TECPR2: variants seen among roughly 807,000 people sequenced by gnomAD.
TECPR2 encodes the protein tectonin beta-propeller repeat-containing protein 2.
Under a neutral mutation model 138.1 loss-of-function variants are expected in TECPR2, and 65 were observed. The ratio of observed to expected loss-of-function variants is 0.47; its 90% CI spans 0.39 to 0.58. The LOEUF is 0.58. TECPR2 is among the 20% of genes least tolerant of loss of function. The pLI, the probability that TECPR2 is intolerant of heterozygous loss-of-function variation, is 0.00. For missense variants in TECPR2, 1,553 were observed against 1,824.5 expected (o/e 0.85, Z 2.71); for synonymous variants, 746 against 749.8 (o/e 0.99, Z 0.08).
rs1889589963 is a variant in TECPR2, at chr14:102,434,182, T to C, written c.1418-53T>C. On this transcript the variant is annotated intron_variant, in intron 8 of 19. Coordinates refer to ENST00000359520, the MANE Select transcript of TECPR2 (RefSeq NM_014844.5). ...AAAAATATGTGTGCAAGTTAGTCTC[T>C]TACTAATCATATAGAACCGTGCCTT... 4.5e-6 allele frequency: 6 copies of C among 1,327,582 alleles called. No homozygotes were observed. In the South Asian group the frequency reaches 1.5e-4, roughly 33 times the overall value. 82.2% of individuals were successfully genotyped at this position (1,327,582 alleles called of 1,614,324 possible). A position where few individuals can be genotyped will look rare whatever the true frequency, so the allele number is the denominator to read the frequency against.
At chr14:102,370,637 C>G (rs1205532538) in intron 1 of TECPR2, among the ~76,000 whole-genome samples, 3 of 152,196 alleles carry the variant, frequency 2.0e-5, no homozygotes, top group Non-Finnish European at 4.4e-5. Context: ...GCCAGCAACA[C>G]TTGGGCTTTA....
At chr14:102,401,804 CAAAAA>C (rs34413626) in intron 2 of TECPR2, among the ~76,000 whole-genome samples, 2 of 68,952 alleles carry the variant, frequency 2.9e-5, no homozygotes, top group Admixed American at 4.1e-4. Context: ...GACTCCGTCT[CAAAAA>C]AAAAAAAAAA....
chr14:102,363,626 G>A (rs1236658259), intron 1 of TECPR2, among the ~76,000 whole-genome samples: 1 of 152,264 alleles, frequency 6.6e-6, no homozygotes, highest in Non-Finnish European at 1.5e-5. Context: ...CCTATTTGAA[G>A]GCATGGGAGG....
intron 7 of TECPR2, among the ~76,000 whole-genome samples, chr14:102,431,558 G>A (rs986114067): frequency 1.3e-5 from 2 of 152,028 alleles, no homozygotes; most frequent in Non-Finnish European, 2.9e-5. Context: ...TAGCCAGGAT[G>A]GTCTTGATCT....
chr14:102,470,508 A>G (rs1422619229), intron 17 of TECPR2, among the ~76,000 whole-genome samples: 2 of 151,676 alleles, frequency 1.3e-5, no homozygotes, highest in African/African-American at 2.4e-5. Flanking sequence ...AGGTTTCACC[A>G]TGTTGGCCAG....
chr14:102,372,356 T>C (rs2139651576), intron 1 of TECPR2, among the ~76,000 whole-genome samples: 1 of 152,188 alleles, frequency 6.6e-6, no homozygotes, highest in Non-Finnish European at 1.5e-5. Flanking sequence ...ACCTCTGCCT[T>C]CTGGGTTCAA....
chr14:102,484,420 G>T (rs1445440149), intron 17 of TECPR2, among the ~76,000 whole-genome samples: 3 of 152,166 alleles, frequency 2.0e-5, no homozygotes, highest in Admixed American at 2.0e-4. Flanking sequence ...TTCTTCAGAT[G>T]TTGGCAGTCC....
At chr14:102,454,090 T>C (rs1204618673) in intron 16 of TECPR2, among the ~76,000 whole-genome samples, 2 of 151,620 alleles carry the variant, frequency 1.3e-5, no homozygotes, top group African/African-American at 4.8e-5. Context: ...TAGGCAGAGG[T>C]TGCAGTGAGC....
At chr14:102,406,490 G>C (rs1409480543) in intron 2 of TECPR2, among the ~76,000 whole-genome samples, 1 of 151,842 alleles carries the variant, frequency 6.6e-6, no homozygotes. Context: ...AGGTTGCAGT[G>C]AGCCAAGGTG....
chr14:102,410,375 G>A (rs1400855851), intron 4 of TECPR2, among the ~76,000 whole-genome samples: 1 of 151,076 alleles, frequency 6.6e-6, no homozygotes, highest in Non-Finnish European at 1.5e-5. Context: ...TTGTTCACTT[G>A]TTTATCTGCT....
At chr14:102,460,719 G>A (rs1890388108) in intron 16 of TECPR2, among the ~76,000 whole-genome samples, 1 of 149,024 alleles carries the variant, frequency 6.7e-6, no homozygotes, top group African/African-American at 2.5e-5. Context: ...TTTTGAGACG[G>A]AGTCTCGCTC....
chr14:102,433,224 T>C (rs1889560781), intron 8 of TECPR2, among the ~76,000 whole-genome samples: 3 of 151,734 alleles, frequency 2.0e-5, no homozygotes, highest in Admixed American at 6.6e-5. Flanking sequence ...AGGGGGTCCA[T>C]GCGCAGGTTT....
At position 102,499,072 on chromosome 14, in the gene TECPR2, C is replaced by A; in HGVS notation, c.*815C>A. ...ACCACACCTCACTGCCCACACACGG[C>A]GCAGGCTGCCCGCCTCCTGGAGAGC... On this transcript the variant is annotated 3_prime_UTR_variant, in exon 20 of 20. Transcript: ENST00000359520. The A allele has an allele frequency of 1.4e-6, 1 of 702,744 alleles. No homozygotes were observed. The allele number at this position is 702,744 out of a possible 1,614,324, so 43.5% of individuals were successfully genotyped here. A position where few individuals can be genotyped will look rare whatever the true frequency, so the allele number is the denominator to read the frequency against.
At position 102,494,170 on chromosome 14, in the gene TECPR2, C is replaced by T. The variant is rs75569707; in HGVS notation, c.3790-2809C>T. ...AACTTGGGCAAATGTGTGGAGTGAGCGACCAAAGGGCTGAGGGAGCAGCGA... is the reference window on the plus strand; with the variant it reads ...AACTTGGGCAAATGTGTGGAGTGAGTGACCAAAGGGCTGAGGGAGCAGCGA... On this transcript the variant is annotated intron_variant, in intron 17 of 19. Transcript: ENST00000359520. Among the ~76,000 whole-genome samples, 514 of 152,306 alleles carry T rather than the reference C, an allele frequency of 3.4e-3. 1 individual carries two copies. Among genetic ancestry groups the T allele is most frequent in the Non-Finnish European group, 5.1e-3 (347 of 68,026 alleles).
intron 16 of TECPR2, among the ~76,000 whole-genome samples, chr14:102,453,820 CAAA>C (rs559709458): frequency 1.1e-4 from 6 of 56,482 alleles, no homozygotes; most frequent in Admixed American, 1.9e-4. Flanking sequence ...ATGTACTCAC[CAAA>C]AAAAAAAAAA....
chr14:102,430,760 G>A lies in TECPR2; in HGVS notation c.1085-1036G>A, dbSNP rs532178702. ...ACTCACATGCCTGTTCTCACTCTGCGGTCTACTGGCCTTGATGCTGTGTGG... is the reference window on the plus strand; with the variant it reads ...ACTCACATGCCTGTTCTCACTCTGCAGTCTACTGGCCTTGATGCTGTGTGG... On this transcript the variant is annotated intron_variant, in intron 7 of 19. Coordinates refer to ENST00000359520, the MANE Select transcript of TECPR2 (RefSeq NM_014844.5). Among the ~76,000 whole-genome samples the A allele has an allele frequency of 3.9e-5, 6 of 152,232 alleles. No homozygotes were observed. The South Asian group carries it at 8.3e-4, about 21-fold the overall frequency.
At chr14:102,446,523 C>A (rs975676093) in intron 13 of TECPR2, among the ~76,000 whole-genome samples, 6 of 152,074 alleles carry the variant, frequency 3.9e-5, no homozygotes, top group Non-Finnish European at 5.9e-5. Flanking sequence ...AGTTTGAGCC[C>A]AGGAGACAAA....
chr14:102,406,295 T>C (rs569959003), intron 2 of TECPR2, among the ~76,000 whole-genome samples: 27 of 152,286 alleles, frequency 1.8e-4, no homozygotes, highest in African/African-American at 5.3e-4. Context: ...ACACCTGTAA[T>C]CCCAGCACTT....
chr14:102,397,516 G>T (rs1180647852), intron 2 of TECPR2, among the ~76,000 whole-genome samples: 1 of 152,242 alleles, frequency 6.6e-6, no homozygotes, highest in African/African-American at 2.4e-5. Flanking sequence ...GGAGGCCAAG[G>T]CAGGTGGATC....
Sources: allele counts gnomAD v4.1 joint callset (sites outside exome capture counted in the v4.1 genomes callset), GRCh38; gene constraint gnomAD v4.1.1; transcripts MANE v1.5; gene names NCBI Gene and HGNC (gene_info 2026-07-23, HGNC 2026-07-21).